The following RHOA variants were observed in gnomAD, a reference collection of about 807,000 sequenced individuals.
The protein encoded by RHOA is ras homolog family member A.
RHOA carries 3 observed loss-of-function variants against 17.5 expected under a neutral mutation model. The observed-to-expected ratio is 0.17, with a 90% CI of 0.08 to 0.44. The LOEUF is 0.44. Ranked by LOEUF, RHOA falls within the 20% of genes least tolerant of loss-of-function variation. The pLI is 0.99. For synonymous variants in RHOA, 98 were observed against 88.4 expected, an observed-to-expected ratio of 1.11 and a Z score of -0.61; for missense variants, 56 against 242.3, an observed-to-expected ratio of 0.23 and a Z score of 5.10.
chr3:49,377,839 A>G (rs2048256259), intron 1 of RHOA, among the ~76,000 whole-genome samples: 1 of 151,670 alleles, frequency 6.6e-6, no homozygotes, highest in African/African-American at 2.4e-5. Flanking sequence ...ATCTCTTGCA[A>G]GGTTGAAATC....
At chr3:49,407,387 C>T (rs2048852110) in intron 1 of RHOA, among the ~76,000 whole-genome samples, 1 of 151,922 alleles carries the variant, frequency 6.6e-6, no homozygotes, top group Non-Finnish European at 1.5e-5. Context: ...GCGCCTGCTG[C>T]CACGCCCAGC....
At chr3:49,407,483 C>CT (rs200353569) in intron 1 of RHOA, among the ~76,000 whole-genome samples, 148,432 of 152,118 alleles carry the variant, frequency 0.98, 72,535 homozygotes, top group Middle Eastern at 1. Flanking sequence ...ATCCACCTGC[C>CT]CAGCACTTCC....
intron 1 of RHOA, among the ~76,000 whole-genome samples, chr3:49,411,102 A>G (rs1217014489): frequency 6.6e-6 from 1 of 152,082 alleles, no homozygotes; most frequent in Non-Finnish European, 1.5e-5. Context: ...CATTGCATCT[A>G]TTTTCATGCA....
intron 1 of RHOA, among the ~76,000 whole-genome samples, chr3:49,408,885 C>T (rs1434916956): frequency 6.6e-6 from 1 of 151,662 alleles, no homozygotes; most frequent in South Asian, 2.1e-4. Context: ...CTCCGCCTCT[C>T]GGGTTCACGC....
At chr3:49,393,595 CTTTTTTT>C (rs34715210) in intron 1 of RHOA, among the ~76,000 whole-genome samples, 7 of 97,960 alleles carry the variant, frequency 7.1e-5, no homozygotes, top group African/African-American at 1.2e-4. Context: ...ACTGCACTGG[CTTTTTTT>C]TTTTTTTTTT....
At chr3:49,379,940 C>A (rs1326993021) in intron 1 of RHOA, among the ~76,000 whole-genome samples, 2 of 152,248 alleles carry the variant, frequency 1.3e-5, no homozygotes, top group Admixed American at 6.5e-5. Flanking sequence ...CTGCAGATTC[C>A]TTCCATCTGG....
intron 4 of RHOA, 48 bp from the exon 5 acceptor site, chr3:49,360,430 A>T: frequency 6.5e-7 from 1 of 1,529,102 alleles, no homozygotes; most frequent in Non-Finnish European, 8.8e-7. Context: ...TGTGGCATAC[A>T]TATAGTAAGT....
At chr3:49,361,448 G>A (rs1343200710) in intron 4 of RHOA, among the ~76,000 whole-genome samples, 2 of 152,204 alleles carry the variant, frequency 1.3e-5, no homozygotes, top group Non-Finnish European at 2.9e-5. Flanking sequence ...TTTTAAAAAG[G>A]CATTGGGAGT....
intron 1 of RHOA, among the ~76,000 whole-genome samples, chr3:49,379,590 T>C (rs1357420129): frequency 2.0e-5 from 3 of 152,162 alleles, no homozygotes; most frequent in African/African-American, 7.2e-5. Flanking sequence ...CTCCACTCAC[T>C]GCAACCTTAG....
chr3:49,386,879 G>A lies in RHOA; in HGVS notation c.-2-11288C>T, dbSNP rs528308538. 4.6e-4 allele frequency among the ~76,000 whole-genome samples: 70 copies of A among 151,448 alleles called. 1 individual carries two copies. Among genetic ancestry groups the A allele is most frequent in the South Asian group, 3.1e-3 (15 of 4,794 alleles). On this transcript the variant is annotated intron_variant, in intron 1 of 4. Coordinates refer to ENST00000418115, the MANE Select transcript of RHOA (RefSeq NM_001664.4). ...TGTAATCCCAGCACTTTGGGAGGCC[G>A]AGGCAAATGGATCACCTGACGTCAG...
intron 3 of RHOA, among the ~76,000 whole-genome samples, chr3:49,364,250 C>T (rs1257030228): frequency 2.6e-5 from 4 of 151,936 alleles, no homozygotes; most frequent in Non-Finnish European, 4.4e-5. Flanking sequence ...CTGTGAAGGC[C>T]GGGGCGGGTG....
At chr3:49,375,338 G>A in intron 2 of RHOA, 96 bp downstream of exon 2, 1 of 1,120,506 alleles carries the variant, frequency 8.9e-7, no homozygotes, top group Non-Finnish European at 1.3e-6. Context: ...TTTGTTATAT[G>A]GTATACTGAA....
intron 1 of RHOA, among the ~76,000 whole-genome samples, chr3:49,388,077 G>A (rs907884535): frequency 4.6e-5 from 7 of 151,826 alleles, no homozygotes; most frequent in African/African-American, 1.7e-4. Context: ...TGTCATCAAG[G>A]CTCACTGCAG....
At chr3:49,388,168 G>A (rs1032663372) in intron 1 of RHOA, among the ~76,000 whole-genome samples, 2 of 151,766 alleles carry the variant, frequency 1.3e-5, no homozygotes, top group African/African-American at 4.8e-5. Context: ...CACCATTCCC[G>A]ACTAAATTTT....
At chr3:49,368,868 C>G (rs1167133886) in intron 2 of RHOA, among the ~76,000 whole-genome samples, 1 of 149,912 alleles carries the variant, frequency 6.7e-6, no homozygotes, top group East Asian at 2.0e-4. Context: ...CCATCACACC[C>G]GGCTAATTTT....
rs138991527 is a variant in RHOA, at chr3:49,400,137, G to A, written c.-3+11683C>T. On this transcript the variant is annotated intron_variant, in intron 1 of 4. Coordinates refer to ENST00000418115, the MANE Select transcript of RHOA (RefSeq NM_001664.4). Reference sequence around the variant, plus strand: ...TGAGGCAGGAGAATCGCTTGAACCCGGGAGGCGGAGCTTGCAGTGAGCCGA... The same window carrying A: ...TGAGGCAGGAGAATCGCTTGAACCCAGGAGGCGGAGCTTGCAGTGAGCCGA... 4.1e-4 allele frequency among the ~76,000 whole-genome samples: 62 copies of A among 151,172 alleles called. 1 individual carries two copies. The highest frequency in any genetic ancestry group is 7.2e-4 in the Non-Finnish European group (49 of 67,756).
At position 49,360,001 on chromosome 3, in the gene RHOA, G is replaced by C. The variant is rs564336340; in HGVS notation, c.*208C>G. On this transcript the variant is annotated 3_prime_UTR_variant, in exon 5 of 5. Transcript: ENST00000418115. The stretch of plus-strand genomic sequence containing the variant: ...GTGGGAGTGCAGAGGAGGGCTGTTA[G>C]AGCAGTGTCAAAAGGACCCTGGTGG... The C allele has an allele frequency of 3.4e-5, 18 of 526,858 alleles. No homozygotes were observed. Among genetic ancestry groups the C allele is most frequent in the Non-Finnish European group, 5.9e-5 (18 of 303,042 alleles). 32.6% of individuals were successfully genotyped at this position (526,858 alleles called of 1,614,324 possible).
chr3:49,401,982 C>T, intron 1 of RHOA, among the ~76,000 whole-genome samples: 1 of 152,072 alleles, frequency 6.6e-6, no homozygotes, highest in African/African-American at 2.4e-5. Flanking sequence ...GCAGTAAGGG[C>T]ACTTGGAGAT....
At chr3:49,384,090 G>T (rs2048359988) in intron 1 of RHOA, among the ~76,000 whole-genome samples, 1 of 152,066 alleles carries the variant, frequency 6.6e-6, no homozygotes, top group African/African-American at 2.4e-5. Context: ...CCCAGAAAAA[G>T]AATAAAATCA....
Sources: allele counts gnomAD v4.1 joint callset (sites outside exome capture counted in the v4.1 genomes callset), GRCh38; gene constraint gnomAD v4.1.1; transcripts MANE v1.5; gene names NCBI Gene and HGNC (gene_info 2026-07-23, HGNC 2026-07-21).